C1orf105: variants seen among roughly 807,000 people sequenced by gnomAD.
C1orf105 encodes uncharacterized protein C1orf105.
C1orf105 carries 17 observed loss-of-function variants against 20.8 expected under a neutral mutation model. That is an observed-to-expected ratio of 0.82 (90% CI 0.56 to 1.23). The LOEUF (loss-of-function observed/expected upper bound fraction) is 1.23, where lower values mean the gene tolerates loss of function less well. Among genes scored for constraint, C1orf105 ranks in the 50% most tolerant of loss-of-function variants. The pLI, the probability that C1orf105 is intolerant of heterozygous loss-of-function variation, is 0.00. For synonymous variants in C1orf105, 72 were observed against 72.1 expected (o/e 1.00, Z 0.01); for missense variants, 219 against 213.5 (o/e 1.03, Z -0.16).
chr1:172,462,131 C>A (rs746225720), intron 4 of C1orf105, 47 bp from the exon 5 acceptor site: 2 of 1,365,936 alleles, frequency 1.5e-6, no homozygotes, highest in South Asian at 1.2e-5. Flanking sequence ...TTATTTAAAT[C>A]AAAATGCAGT....
intron 6 of C1orf105, among the ~76,000 whole-genome samples, chr1:172,466,606 ACACACACAC>A (rs1650079694): frequency 6.7e-6 from 1 of 149,766 alleles, no homozygotes; most frequent in African/African-American, 2.5e-5. Context: ...ACACACACAC[ACACACACAC>A]AATCACACAC....
At chr1:172,444,250 C>G in intron 1 of C1orf105, 1 of 985,450 alleles carries the variant, frequency 1.0e-6, no homozygotes, top group Non-Finnish European at 1.2e-6. Context: ...CAGCAATCCC[C>G]TATTGAAAGA....
chr1:172,445,583 C>A (rs1168209524), intron 2 of C1orf105, among the ~76,000 whole-genome samples: 1 of 152,200 alleles, frequency 6.6e-6, no homozygotes, highest in East Asian at 1.9e-4. Context: ...CTCCTACATT[C>A]CTGTTAGTCC....
chr1:172,466,517 C>A (rs4244194), intron 6 of C1orf105, among the ~76,000 whole-genome samples: 119,190 of 151,618 alleles, frequency 0.79, 47,055 homozygotes, highest in East Asian at 1. Context: ...ACTCATTCTG[C>A]GTTTCCTTTG....
chr1:172,429,754 T>G (rs961846329), intron 1 of C1orf105, among the ~76,000 whole-genome samples: 1 of 152,020 alleles, frequency 6.6e-6, no homozygotes, highest in African/African-American at 2.4e-5. Flanking sequence ...ACCAGGCATG[T>G]TGCTACAGCC....
At chr1:172,423,097 C>T (rs1449405153) in intron 1 of C1orf105, among the ~76,000 whole-genome samples, 1 of 151,626 alleles carries the variant, frequency 6.6e-6, no homozygotes, top group African/African-American at 2.4e-5. Flanking sequence ...CTGGTTTTAC[C>T]ACCTGCTGAT....
rs1009970020 is a variant in C1orf105, at chr1:172,448,094, G to A, written c.108-347G>A. Among the ~76,000 whole-genome samples the A allele has an allele frequency of 5.3e-5, 8 of 152,240 alleles. 1 individual carries two copies. Among genetic ancestry groups the A allele is most frequent in the Non-Finnish European group, 1.0e-4 (7 of 68,044 alleles). On this transcript the variant is annotated intron_variant, in intron 2 of 6. Coordinates refer to ENST00000367727, the MANE Select transcript of C1orf105 (RefSeq NM_139240.4). Reference sequence around the variant, plus strand: ...AGCCCAGGTACGAAAGGGGACAGGTGCAGGTTAAACATCAAAAACTTGAGT... The same window carrying A: ...AGCCCAGGTACGAAAGGGGACAGGTACAGGTTAAACATCAAAAACTTGAGT...
intron 1 of C1orf105, among the ~76,000 whole-genome samples, chr1:172,438,126 GAAAAA>G (rs59822239): frequency 1.3e-5 from 2 of 148,570 alleles, no homozygotes; most frequent in African/African-American, 4.9e-5. Context: ...CTACTGCTCA[GAAAAA>G]AAAAAGATTC....
chr1:172,426,264 G>A (rs1335316090), intron 1 of C1orf105, among the ~76,000 whole-genome samples: 4 of 152,174 alleles, frequency 2.6e-5, no homozygotes, highest in Non-Finnish European at 4.4e-5. Flanking sequence ...TGAGCCTGAA[G>A]TGGGGTAGTT....
chr1:172,466,128 A>G (rs1450805253), intron 6 of C1orf105, among the ~76,000 whole-genome samples: 1 of 152,194 alleles, frequency 6.6e-6, no homozygotes, highest in Non-Finnish European at 1.5e-5. Context: ...TTATCTTAAG[A>G]GGTTGCAGGG....
chr1:172,452,502 G>C (rs1032317840), intron 3 of C1orf105, among the ~76,000 whole-genome samples: 2 of 152,088 alleles, frequency 1.3e-5, no homozygotes, highest in African/African-American at 4.8e-5. Context: ...ATGTGAACAG[G>C]TGTGTAAGAG....
intron 1 of C1orf105, chr1:172,442,746 A>G (rs767997353): frequency 1.3e-5 from 11 of 833,244 alleles, no homozygotes; most frequent in Non-Finnish European, 1.4e-5. Context: ...TTGATGTTCT[A>G]CCAACCTTTC....
chr1:172,429,223 TACAC>T (rs3838965), intron 1 of C1orf105, among the ~76,000 whole-genome samples: 19,698 of 150,964 alleles, frequency 0.13, 1,505 homozygotes, highest in Non-Finnish European at 0.16. Flanking sequence ...AATACAAATA[TACAC>T]ACACACACAC....
At chr1:172,450,809 A>C (rs762034482) in intron 3 of C1orf105, among the ~76,000 whole-genome samples, 1 of 152,250 alleles carries the variant, frequency 6.6e-6, no homozygotes, top group Non-Finnish European at 1.5e-5. Context: ...GCTCAGAGAC[A>C]CAATAACAGG....
chr1:172,431,831 C>T (rs2071883085), intron 1 of C1orf105, among the ~76,000 whole-genome samples: 1 of 152,246 alleles, frequency 6.6e-6, no homozygotes. Flanking sequence ...TTTCCCTTTC[C>T]TAGCCAAGGG....
intron 2 of C1orf105, among the ~76,000 whole-genome samples, chr1:172,446,238 G>C (rs866811471): frequency 1.7e-4 from 26 of 152,132 alleles, no homozygotes; most frequent in Admixed American, 3.3e-4. Flanking sequence ...TAAACTCAAA[G>C]GCCTATTTAA....
rs529622483 is a variant in C1orf105 at position 172,443,751 on chromosome 1, G to A, written c.22-1322G>A. On this transcript the variant is annotated intron_variant, in intron 1 of 6. Transcript: ENST00000367727. Reference sequence around the variant, plus strand: ...CCCGGGAATCTTAAGGCCGCCGCCGGGGTTGGAGGGTCTGCGACGCCCAAA... The same window carrying A: ...CCCGGGAATCTTAAGGCCGCCGCCGAGGTTGGAGGGTCTGCGACGCCCAAA... The A allele has an allele frequency of 5.3e-4, 90 of 171,104 alleles. 1 individual carries two copies. Among genetic ancestry groups the A allele is most frequent in the East Asian group, 1.9e-3 (10 of 5,208 alleles). 10.6% of individuals were successfully genotyped at this position (171,104 alleles called of 1,614,324 possible).
intron 6 of C1orf105, among the ~76,000 whole-genome samples, chr1:172,467,579 T>C (rs1312653037): frequency 2.0e-5 from 3 of 152,146 alleles, no homozygotes; most frequent in African/African-American, 4.8e-5. Context: ...TGGGTTAGGA[T>C]TAAGAATGTC....
chr1:172,421,316 C>T (rs887899605), intron 1 of C1orf105, among the ~76,000 whole-genome samples: 4 of 151,802 alleles, frequency 2.6e-5, no homozygotes, highest in Non-Finnish European at 5.9e-5. Context: ...GTTAAGATTG[C>T]TGAGAAAGAA....
Sources: allele counts gnomAD v4.1 joint callset (sites outside exome capture counted in the v4.1 genomes callset), GRCh38; gene constraint gnomAD v4.1.1; transcripts MANE v1.5; gene names NCBI Gene and HGNC (gene_info 2026-07-23, HGNC 2026-07-21).